BRCA2: variants seen among roughly 807,000 people sequenced by gnomAD.
BRCA2 encodes the protein BRCA2 DNA repair associated, also known as breast cancer type 2 susceptibility protein.
In BRCA2, 203 loss-of-function variants were observed where a neutral mutation model predicts 276.7. The ratio of observed to expected loss-of-function variants is 0.73; its 90% confidence interval spans 0.65 to 0.82. The LOEUF is 0.82. Among genes scored for constraint, BRCA2 ranks in the 40% least tolerant of loss-of-function variants. The pLI, the probability that BRCA2 is intolerant of heterozygous loss-of-function variation, is 0.00. For synonymous variants in BRCA2, 1,289 were observed against 1,338.4 expected, an observed-to-expected ratio of 0.96 and a Z score of 0.81; for missense variants, 3,920 against 3,915.0, an observed-to-expected ratio of 1.00 and a Z score of -0.03.
At chr13:32,347,042 A>G (rs2072616942) in intron 13 of BRCA2, 146 bp downstream of exon 13, 1 of 605,138 alleles carries the variant, frequency 1.7e-6, no homozygotes, top group Non-Finnish European at 2.8e-6. Context: ...CTTTGGTAGT[A>G]TTTTATAGTG....
chr13:32,368,001 C>CTCTTTTTTTTTTTTT (rs2072796675), intron 18 of BRCA2, among the ~76,000 whole-genome samples: 1 of 50,728 alleles, frequency 2.0e-5, no homozygotes, highest in Non-Finnish European at 3.4e-5. Flanking sequence ...TCTTCTAATT[C>CTCTTTTTTTTTTTTT]TTTTTTTTTT....
chr13:32,398,051 G>T, intron 26 of BRCA2, 111 bp from the exon 27 acceptor site: 1 of 1,153,538 alleles, frequency 8.7e-7, no homozygotes, highest in Non-Finnish European at 1.2e-6. Context: ...AGGGGAGGGA[G>T]ACTGTGTGTA....
intron 18 of BRCA2, among the ~76,000 whole-genome samples, chr13:32,363,909 CTA>C (rs1285044137): frequency 6.6e-6 from 1 of 152,146 alleles, no homozygotes; most frequent in Non-Finnish European, 1.5e-5. Context: ...CTTTTTATCT[CTA>C]TGTAGATTTT....
At chr13:32,341,315 T>C (rs769041346) in intron 11 of BRCA2, 119 bp downstream of exon 11, 8 of 1,447,100 alleles carry the variant, frequency 5.5e-6, no homozygotes, top group Non-Finnish European at 7.7e-6. Flanking sequence ...GCCATTTTTG[T>C]GTAGTCAGTT....
intron 20 of BRCA2, chr13:32,375,359 A>C (rs182550445): frequency 1.3e-5 from 6 of 451,930 alleles, no homozygotes; most frequent in Admixed American, 9.5e-5. Flanking sequence ...CCTCCACTGA[A>C]GTCTTGAACC....
intron 6 of BRCA2, 93 bp downstream of exon 6, chr13:32,326,375 C>G: frequency 6.7e-7 from 1 of 1,488,794 alleles, no homozygotes; most frequent in Non-Finnish European, 9.3e-7. Flanking sequence ...AAATCTGTAC[C>G]TAGCATTCTG....
intron 26 of BRCA2, 114 bp downstream of exon 26, chr13:32,397,158 G>C: frequency 7.9e-7 from 1 of 1,268,052 alleles, no homozygotes; most frequent in East Asian, 2.3e-5. Context: ...ATTAGAAAAT[G>C]TGGTTGTTAT....
chr13:32,363,407 C>T lies in BRCA2; in HGVS notation c.8205C>T (p.Pro2735=), dbSNP rs967189548. Residue 2735 remains proline, a synonymous_variant, in exon 18 of 27, where the codon CCC becomes CCT. Transcript: ENST00000380152. The stretch of plus-strand genomic sequence containing the variant: ...CTGTTAAGGCCCAGTTAGATCCTCC[C>T]CTCTTAGCTGTCTTAAAGAATGGCA... ...WYAVKAQLDP[P]LLAVLKNGRL... The T allele has an allele frequency of 6.2e-7, 1 of 1,613,982 alleles. No homozygotes were observed. Among genetic ancestry groups the T allele is most frequent in the Admixed American group, 1.7e-5 (1 of 59,994 alleles).
Position 32,370,478 on chromosome 13 carries a change from T to A in BRCA2, c.8408T>A (p.Leu2803Gln). The A allele has an allele frequency of 6.2e-7, 1 of 1,613,924 alleles. No individual in the cohort carries two copies. Among genetic ancestry groups the A allele is most frequent in the Non-Finnish European group, 8.5e-7 (1 of 1,179,774 alleles). ...TTTCCTGACCCTAGACCTTTTCCTC[T>A]GCCCTTATCATCGCTTTTCAGTGAT... The part of the protein sequence containing the change: ...GFFPDPRPFP[L>Q]PLSSLFSDGG... Residue 2803 changes from leucine to glutamine, a missense_variant, in exon 19 of 27, where the codon CTG (leucine) becomes CAG (glutamine). Leu to Gln is a moderately radical substitution (Grantham distance 113). This residue lies in a region of BRCA2 where 657 missense variants were observed against 758.2 expected (regional missense o/e 0.87). Coordinates refer to ENST00000380152, the MANE Select transcript of BRCA2 (RefSeq NM_000059.4).
At chr13:32,347,220 C>T (rs2072617917) in intron 13 of BRCA2, among the ~76,000 whole-genome samples, 2 of 152,024 alleles carry the variant, frequency 1.3e-5, no homozygotes. Context: ...TTTATCTCTC[C>T]TCTCTAAACC....
rs1049893722 is a variant in BRCA2, at chr13:32,332,993, A to G, written c.1515A>G (p.Ile505Met). The change falls in exon 10 of 27, where the codon ATA becomes ATG. Residue 505 changes from isoleucine to methionine, a missense_variant. By Grantham distance (10) the Ile-to-Met change is conservative. Coordinates refer to ENST00000380152, the MANE Select transcript of BRCA2 (RefSeq NM_000059.4). The part of the protein sequence containing the change: ...ASSFQGIKKS[I>M]FRIRESPKET... ...CATTTCAGGGTATCAAAAAGTCTATATTCAGAATAAGAGAATCACCTAAAG... is the reference window on the plus strand; with the variant it reads ...CATTTCAGGGTATCAAAAAGTCTATGTTCAGAATAAGAGAATCACCTAAAG... The G allele has an allele frequency of 6.3e-7, 1 of 1,594,300 alleles. No homozygotes were observed.
intron 21 of BRCA2, among the ~76,000 whole-genome samples, chr13:32,378,077 A>G (rs996558858): frequency 3.9e-5 from 6 of 152,212 alleles, no homozygotes; most frequent in Non-Finnish European, 7.3e-5. Context: ...TTCTTGAAAA[A>G]TTATTTGCCT....
chr13:32,370,604 C>T lies in BRCA2; in HGVS notation c.8487+47C>T, dbSNP rs11571744. 2.7e-3 allele frequency: 4,177 copies of T among 1,574,010 alleles called. 82 individuals carry two copies. In the African/African-American group the frequency reaches 0.047, roughly 18 times the overall value. ...TACCATATATTTCTTTCTTTTGATA[C>T]AATTAATTTGTTTGTTTGTTTGAGA... On this transcript the variant is annotated intron_variant, in intron 19 of 26. Transcript: ENST00000380152.
intron 2 of BRCA2, 81 bp downstream of exon 2, chr13:32,316,608 TCA>T: frequency 3.3e-6 from 4 of 1,206,210 alleles, no homozygotes; most frequent in South Asian, 1.3e-5. Flanking sequence ...ACCCAGTACG[TCA>T]CAGTGTTGCT....
chr13:32,333,367 C>T lies in BRCA2; in HGVS notation c.1889C>T (p.Thr630Ile), dbSNP rs80358479. The change falls in exon 10 of 27, where the codon ACA becomes ATA. Residue 630 changes from threonine to isoleucine, a missense_variant. Physicochemically the swap from Thr to Ile is moderately conservative, Grantham distance 89. Coordinates refer to ENST00000380152, the MANE Select transcript of BRCA2 (RefSeq NM_000059.4). ...GCAAATGCTTTTGAAGCACCACTTA[C>T]ATTTGCAAATGCTGATTCAGGTACC... ...FEANAFEAPL[T>I]FANADSGLLH... The T allele has an allele frequency of 1.1e-4, 180 of 1,609,032 alleles. 1 individual carries two copies. Among genetic ancestry groups the T allele is most frequent in the East Asian group, 2.0e-4 (9 of 44,860 alleles).
At chr13:32,365,220 T>G (rs976551811) in intron 18 of BRCA2, among the ~76,000 whole-genome samples, 8 of 149,918 alleles carry the variant, frequency 5.3e-5, no homozygotes, top group Non-Finnish European at 7.4e-5. Flanking sequence ...TAGGCTGGTC[T>G]TGAACTTCTG....
chr13:32,368,521 AT>A lies in BRCA2; in HGVS notation c.8332-1869del, dbSNP rs373018731. Among the ~76,000 whole-genome samples, 938 of 117,628 alleles carry A rather than the reference AT, an allele frequency of 8.0e-3. 5 individuals are homozygous for A. The highest frequency in any genetic ancestry group is 0.022 in the African/African-American group (708 of 32,226). The allele number at this position is 117,628 out of a possible 152,430, so 77.2% of individuals were successfully genotyped here. On this transcript the variant is annotated intron_variant, in intron 18 of 26. Coordinates refer to ENST00000380152, the MANE Select transcript of BRCA2 (RefSeq NM_000059.4). The stretch of plus-strand genomic sequence containing the variant: ...CATTTTCGTTTTTTCTGCTCCCTGC[AT>A]TTTTTTTTTTTAATGAAAACCTTTG...
At chr13:32,393,681 G>T (rs192627217) in intron 24 of BRCA2, among the ~76,000 whole-genome samples, 5 of 152,002 alleles carry the variant, frequency 3.3e-5, no homozygotes, top group African/African-American at 1.2e-4. Context: ...TCCAAGATCT[G>T]GTTGCTAGAT....
chr13:32,353,210 C>T (rs2072663960), intron 13 of BRCA2, among the ~76,000 whole-genome samples: 1 of 152,154 alleles, frequency 6.6e-6, no homozygotes, highest in Non-Finnish European at 1.5e-5. Flanking sequence ...CTTAAGTAAT[C>T]TCAACAGTCC....
Sources: gnomAD v4.1 joint callset for allele counts (sites outside exome capture counted in the v4.1 genomes callset) on GRCh38, gnomAD v4.1.1 for gene constraint, gnomAD v4.1.1 regional missense constraint, MANE v1.5 for transcripts, NCBI Gene and HGNC (gene_info 2026-07-23, HGNC 2026-07-21) for gene names.